The following TPTE variants were observed in gnomAD, a reference collection of about 807,000 sequenced individuals.
TPTE encodes transmembrane phosphatase with tensin homology, also known as putative tyrosine-protein phosphatase TPTE.
In TPTE, 59 loss-of-function variants were observed where a neutral mutation model predicts 84.1. The ratio of observed to expected loss-of-function variants is 0.70; its 90% CI spans 0.57 to 0.87. TPTE has a LOEUF of 0.87. TPTE is among the 40% of genes least tolerant of loss of function. TPTE has a pLI of 0.00. For synonymous variants in TPTE, 130 were observed against 223.5 expected (o/e 0.58, Z 3.73); for missense variants, 382 against 659.6 (o/e 0.58, Z 4.61).
intron 10 of TPTE, among the ~76,000 whole-genome samples, chr21:10,564,161 AT>A (rs1197208550): frequency 6.6e-6 from 1 of 152,280 alleles, no homozygotes; most frequent in Non-Finnish European, 1.5e-5. Flanking sequence ...TCAAAAATAA[AT>A]AAAATAAAAA....
At chr21:10,545,987 T>TTA (rs2074460483) in intron 7 of TPTE, among the ~76,000 whole-genome samples, 10 of 152,248 alleles carry the variant, frequency 6.6e-5, no homozygotes, top group African/African-American at 2.4e-4. Flanking sequence ...CATATATAGT[T>TTA]TATATATACA....
chr21:10,569,444 C>A lies in TPTE; in HGVS notation c.574C>A (p.His192Asn), dbSNP rs1229365937. 1 of 1,613,064 alleles carries A rather than the reference C, an allele frequency of 6.2e-7. No individual in the cohort carries two copies. The highest frequency in any genetic ancestry group is 8.5e-7 in the Non-Finnish European group (1 of 1,179,580). ...KLLRNIPRWT[H>N]LLRLLRLIIL... Reference sequence around the variant, plus strand: ...GTTTAAATTTATTCTTAGATGGACACATTTACTTCGACTTCTACGACTTAT... The same window carrying A: ...GTTTAAATTTATTCTTAGATGGACAAATTTACTTCGACTTCTACGACTTAT... Residue 192 changes from histidine to asparagine, a missense_variant, in exon 12 of 24, where the codon CAT becomes AAT. Coordinates refer to ENST00000618007, the MANE Select transcript of TPTE (RefSeq NM_199261.4).
intron 7 of TPTE, among the ~76,000 whole-genome samples, chr21:10,550,402 A>G (rs1158775911): frequency 6.6e-6 from 1 of 152,308 alleles, no homozygotes. Flanking sequence ...TATTCTATGC[A>G]AATGGAAGCC....
chr21:10,533,828 A>G (rs537224911), intron 3 of TPTE, among the ~76,000 whole-genome samples: 1 of 152,312 alleles, frequency 6.6e-6, no homozygotes, highest in Non-Finnish European at 1.5e-5. Context: ...TAAGAGTTTA[A>G]TAGTGCAAGA....
intron 9 of TPTE, among the ~76,000 whole-genome samples, chr21:10,559,888 A>G (rs1015253037): frequency 2.6e-5 from 4 of 152,092 alleles, no homozygotes; most frequent in Non-Finnish European, 5.9e-5. Context: ...AAAAAAAAAA[A>G]AAAAAGAAAA....
intron 3 of TPTE, among the ~76,000 whole-genome samples, chr21:10,531,323 C>T (rs957933886): frequency 6.6e-6 from 1 of 152,312 alleles, no homozygotes; most frequent in African/African-American, 2.4e-5. Flanking sequence ...TTAGTTCTTG[C>T]AAGAGCTGGT....
At chr21:10,578,124 T>A (rs2075196385) in intron 15 of TPTE, among the ~76,000 whole-genome samples, 1 of 152,310 alleles carries the variant, frequency 6.6e-6, no homozygotes, top group African/African-American at 2.4e-5. Context: ...TAAACAAAAA[T>A]AAGTTGAGTT....
intron 21 of TPTE, among the ~76,000 whole-genome samples, chr21:10,598,407 C>A (rs2075629622): frequency 6.6e-6 from 1 of 152,312 alleles, no homozygotes; most frequent in Non-Finnish European, 1.5e-5. Context: ...ATTATCTGGT[C>A]ATTTTTAACC....
chr21:10,568,426 G>T (rs2074970325), intron 11 of TPTE, among the ~76,000 whole-genome samples: 1 of 152,312 alleles, frequency 6.6e-6, no homozygotes. Flanking sequence ...AAAGTTAGAA[G>T]TGGGATTGGG....
intron 3 of TPTE, among the ~76,000 whole-genome samples, chr21:10,531,578 T>G (rs2074179384): frequency 6.6e-6 from 1 of 152,310 alleles, no homozygotes; most frequent in Non-Finnish European, 1.5e-5. Context: ...GGAATCCCAT[T>G]CAAAAGTTTG....
chr21:10,602,213 T>A, intron 22 of TPTE, 63 bp downstream of exon 22: 2 of 1,564,628 alleles, frequency 1.3e-6, no homozygotes, highest in East Asian at 4.5e-5. Flanking sequence ...TCATGTAAGA[T>A]TTGCTTTACT....
chr21:10,529,930 AAGT>A (rs1240173355), intron 3 of TPTE, among the ~76,000 whole-genome samples: 128 of 152,304 alleles, frequency 8.4e-4, no homozygotes, highest in African/African-American at 2.9e-3. Context: ...TTTTTAAAAA[AAGT>A]AGTTTTTCTG....
chr21:10,540,368 T>A (rs918406520), intron 4 of TPTE, among the ~76,000 whole-genome samples: 5 of 152,312 alleles, frequency 3.3e-5, no homozygotes, highest in African/African-American at 9.6e-5. Context: ...GAGCTTTGTA[T>A]GCAATATTGT....
intron 7 of TPTE, among the ~76,000 whole-genome samples, chr21:10,544,982 A>G (rs1347863552): frequency 1.3e-5 from 2 of 152,312 alleles, no homozygotes; most frequent in African/African-American, 4.8e-5. Flanking sequence ...GAAAAATTAA[A>G]TACCATGTTT....
Position 10,538,694 on chromosome 21 carries a change from G to C in TPTE, c.-30G>C. The stretch of plus-strand genomic sequence containing the variant: ...GACATCCTCTAGTCCACCCACAAAT[G>C]AATTATCAGGAGTGAACCCAGAGGC... On this transcript the variant is annotated 5_prime_UTR_variant, in exon 4 of 24. It removes an upstream start codon present in the reference 5' UTR. Coordinates refer to ENST00000618007, the MANE Select transcript of TPTE (RefSeq NM_199261.4). The C allele has an allele frequency of 1.2e-6, 2 of 1,614,068 alleles. No homozygotes were observed. The highest frequency in any genetic ancestry group is 1.7e-6 in the Non-Finnish European group (2 of 1,179,874).
At chr21:10,525,890 A>T (rs577831241) in intron 2 of TPTE, among the ~76,000 whole-genome samples, 1 of 152,428 alleles carries the variant, frequency 6.6e-6, no homozygotes, top group Admixed American at 6.5e-5. Context: ...TAGTTTCCCA[A>T]GGAACTTGCT....
intron 8 of TPTE, among the ~76,000 whole-genome samples, chr21:10,555,506 GCTAT>G (rs2074664550): frequency 1.3e-5 from 2 of 152,272 alleles, no homozygotes; most frequent in Non-Finnish European, 2.9e-5. Context: ...GCGCCTGGCC[GCTAT>G]CTCTTTATTT....
chr21:10,592,805 G>GGTGTGTGTGTGT (rs4041809), intron 19 of TPTE, among the ~76,000 whole-genome samples: 156 of 148,700 alleles, frequency 1.0e-3, no homozygotes, highest in African/African-American at 3.8e-3. Context: ...GATGACTCCT[G>GGTGTGTGTGTGT]GTGTGTGTGT....
At chr21:10,525,586 A>T (rs1341874953) in intron 2 of TPTE, among the ~76,000 whole-genome samples, 1 of 152,310 alleles carries the variant, frequency 6.6e-6, no homozygotes, top group Non-Finnish European at 1.5e-5. Context: ...TTTTCATTAT[A>T]ACCTGGTAGC....
Sources: gnomAD v4.1 joint callset for allele counts (sites outside exome capture counted in the v4.1 genomes callset) on GRCh38, gnomAD v4.1.1 for gene constraint, MANE v1.5 for transcripts, NCBI Gene and HGNC (gene_info 2026-07-23, HGNC 2026-07-21) for gene names.